Variants in MFN1 observed in about 807,000 individuals in gnomAD.
MFN1 encodes mitofusin 1.
MFN1 carries 65 observed loss-of-function variants against 92.4 expected under a neutral mutation model. That is an observed-to-expected ratio of 0.70 (90% confidence interval 0.58 to 0.86). The LOEUF (loss-of-function observed/expected upper bound fraction) is 0.86, where lower values mean the gene tolerates loss of function less well. MFN1 is among the 40% of genes least tolerant of loss of function. The pLI is 0.00. For synonymous variants in MFN1, 297 were observed against 300.9 expected (o/e 0.99, Z 0.13); for missense variants, 781 against 868.0 (o/e 0.90, Z 1.26).
intron 5 of MFN1, among the ~76,000 whole-genome samples, chr3:179,363,717 G>A (rs541805044): frequency 6.6e-6 from 1 of 152,076 alleles, no homozygotes; most frequent in Admixed American, 6.6e-5. Flanking sequence ...TGGTCTCAAA[G>A]TCCTGGACTC....
intron 14 of MFN1, among the ~76,000 whole-genome samples, chr3:179,385,215 A>C (rs1454712186): frequency 1.1e-5 from 1 of 89,354 alleles, no homozygotes; most frequent in Non-Finnish European, 2.1e-5. Flanking sequence ...GCCCGGCCGA[A>C]GTCCTTTTTT....
chr3:179,382,096 A>G (rs1344105207), intron 14 of MFN1, among the ~76,000 whole-genome samples: 1 of 152,032 alleles, frequency 6.6e-6, no homozygotes, highest in Non-Finnish European at 1.5e-5. Context: ...TATACTTTTA[A>G]GTTCTAGGGT....
chr3:179,365,115 C>G lies in MFN1; in HGVS notation c.646-3C>G. On this transcript the variant is annotated splice_polypyrimidine_tract_variant and splice_region_variant and intron_variant, in intron 6 of 17. Transcript: ENST00000471841. ...GTACTGTGGGGTTTTTTTTGTTTTT[C>G]AGGAAAAACACTTTTTTCACAAGGT... 6.6e-7 allele frequency: 1 copy of G among 1,514,356 alleles called. No individual in the cohort carries two copies. The highest frequency in any genetic ancestry group is 2.6e-5 in the Admixed American group (1 of 38,924). The allele number at this position is 1,514,356 out of a possible 1,614,324, so 93.8% of individuals were successfully genotyped here. A position where few individuals can be genotyped will look rare whatever the true frequency, so the allele number is the denominator to read the frequency against.
intron 9 of MFN1, among the ~76,000 whole-genome samples, chr3:179,372,668 C>T (rs574900651): frequency 6.6e-6 from 1 of 152,132 alleles, no homozygotes; most frequent in African/African-American, 2.4e-5. Flanking sequence ...TTGAATCAGA[C>T]AGTAACTTAT....
chr3:179,351,753 C>T (rs1712155121), intron 2 of MFN1, 147 bp from the exon 3 acceptor site: 9 of 634,232 alleles, frequency 1.4e-5, no homozygotes, highest in Admixed American at 3.5e-5. Flanking sequence ...CCCATTGCCA[C>T]GGAGTATGCA....
intron 15 of MFN1, 69 bp from the exon 16 acceptor site, chr3:179,386,364 A>G (rs1227314679): frequency 7.9e-7 from 1 of 1,269,528 alleles, no homozygotes; most frequent in Non-Finnish European, 1.1e-6. Flanking sequence ...GGGAACTAAA[A>G]TGCTTTTAAA....
chr3:179,378,887 C>T, intron 14 of MFN1, 73 bp downstream of exon 14: 1 of 1,163,926 alleles, frequency 8.6e-7, no homozygotes, highest in Non-Finnish European at 1.2e-6. Flanking sequence ...TATAATAAAA[C>T]TAGCTTTACA....
chr3:179,386,450 C>A lies in MFN1; in HGVS notation c.1833C>A (p.Gly611=), dbSNP rs1337567124. 5.0e-6 allele frequency: 8 copies of A among 1,612,240 alleles called. No individual in the cohort carries two copies. Among genetic ancestry groups the A allele is most frequent in the Non-Finnish European group, 6.8e-6 (8 of 1,179,468 alleles). ...IVGGVIWKTI[G]WKLLSVSLTM... ...TCTTACAGATTTGGAAAACTATAGG[C>A]TGGAAACTCCTATCTGTTTCATTAA... The change falls in exon 16 of 18, where the codon GGC becomes GGA. Residue 611 remains glycine (G), a synonymous_variant. Transcript: ENST00000471841.
intron 14 of MFN1, among the ~76,000 whole-genome samples, chr3:179,379,418 A>G (rs1025993776): frequency 6.6e-6 from 1 of 152,142 alleles, no homozygotes; most frequent in African/African-American, 2.4e-5. Flanking sequence ...CAGTGGTGCA[A>G]TCTTGGCTCA....
At chr3:179,387,127 T>TG (rs1409710328) in intron 16 of MFN1, among the ~76,000 whole-genome samples, 2 of 152,032 alleles carry the variant, frequency 1.3e-5, no homozygotes, top group Non-Finnish European at 2.9e-5. Context: ...CTCAATATGT[T>TG]GCCCGGGTTG....
chr3:179,354,084 G>A (rs759630576), intron 3 of MFN1, among the ~76,000 whole-genome samples: 6 of 152,162 alleles, frequency 3.9e-5, no homozygotes, highest in Non-Finnish European at 5.9e-5. Context: ...CACAGAGTCT[G>A]GCATGAGACA....
At position 179,367,509 on chromosome 3, in the gene MFN1, A is replaced by C; in HGVS notation, c.824A>C (p.Glu275Ala). Reference protein sequence around the residue: ...VEELKVVNALEAQNRIFFVSA... With the variant: ...VEELKVVNALAAQNRIFFVSA... ...GAGCTCAAAGTTGTAAATGCTTTAGAAGCACAGAATCGTATCTTCTTTGTT... is the reference window on the plus strand; with the variant it reads ...GAGCTCAAAGTTGTAAATGCTTTAGCAGCACAGAATCGTATCTTCTTTGTT... The change falls in exon 8 of 18, where the codon GAA (glutamate) becomes GCA (alanine). Residue 275 changes from glutamate (E) to alanine (A), a missense_variant. Glu to Ala is a moderately radical substitution (Grantham distance 107). Transcript: ENST00000471841. The C allele has an allele frequency of 6.2e-7, 1 of 1,614,018 alleles. No individual in the cohort carries two copies. The highest frequency in any genetic ancestry group is 1.1e-5 in the South Asian group (1 of 91,068).
At chr3:179,348,497 A>G (rs1712008792) in intron 1 of MFN1, among the ~76,000 whole-genome samples, 1 of 152,138 alleles carries the variant, frequency 6.6e-6, no homozygotes, top group Non-Finnish European at 1.5e-5. Flanking sequence ...TAACTTCCTT[A>G]TTGTGTGTGA....
chr3:179,374,421 CAAGTATTCT>C (rs1481467842), intron 9 of MFN1, among the ~76,000 whole-genome samples: 11 of 113,516 alleles, frequency 9.7e-5, no homozygotes, highest in East Asian at 3.2e-4. Flanking sequence ...TATAAGATAA[CAAGTATTCT>C]ATATATTGAA....
chr3:179,366,265 A>T (rs1712789313), intron 7 of MFN1, among the ~76,000 whole-genome samples: 1 of 152,114 alleles, frequency 6.6e-6, no homozygotes, highest in Non-Finnish European at 1.5e-5. Context: ...AAACTGCTAG[A>T]TTACAAGTTA....
At chr3:179,371,958 AGT>A in intron 9 of MFN1, among the ~76,000 whole-genome samples, 1 of 150,940 alleles carries the variant, frequency 6.6e-6, no homozygotes, top group East Asian at 1.9e-4. Context: ...ATAATACATA[AGT>A]ATATATAAAA....
chr3:179,363,809 T>C (rs922623399), intron 5 of MFN1, among the ~76,000 whole-genome samples: 140 of 152,216 alleles, frequency 9.2e-4, no homozygotes, highest in African/African-American at 3.4e-3. Flanking sequence ...TTATTACACA[T>C]TGTATGCTTG....
intron 16 of MFN1, among the ~76,000 whole-genome samples, chr3:179,389,720 G>A (rs937670829): frequency 6.6e-6 from 1 of 152,040 alleles, no homozygotes; most frequent in African/African-American, 2.4e-5. Context: ...AGGGCCCCAA[G>A]CATGAGTAAA....
At chr3:179,384,759 T>C (rs567575849) in intron 14 of MFN1, among the ~76,000 whole-genome samples, 5 of 152,306 alleles carry the variant, frequency 3.3e-5, no homozygotes, top group Non-Finnish European at 7.4e-5. Flanking sequence ...GGTTTCAAAC[T>C]CCTGGTCTCA....
Sources: gnomAD v4.1 joint callset for allele counts (sites outside exome capture counted in the v4.1 genomes callset) on GRCh38, gnomAD v4.1.1 for gene constraint, MANE v1.5 for transcripts, NCBI Gene and HGNC (gene_info 2026-07-23, HGNC 2026-07-21) for gene names.